Variants in PKLR observed in about 807,000 individuals in gnomAD.
The protein encoded by PKLR is pyruvate kinase L/R.
PKLR carries 38 observed loss-of-function variants against 53.6 expected under a neutral mutation model. The ratio of observed to expected loss-of-function variants is 0.71; its 90% CI spans 0.55 to 0.93. The LOEUF (loss-of-function observed/expected upper bound fraction) is 0.93, where lower values mean the gene tolerates loss of function less well. Ranked by LOEUF, PKLR falls within the 40% of genes least tolerant of loss-of-function variation. The probability of loss-of-function intolerance (pLI) is 0.00; values close to 1 mark genes in which losing one functional copy is unlikely to be tolerated. For synonymous variants in PKLR, 328 were observed against 316.2 expected, an observed-to-expected ratio of 1.04 and a Z score of -0.39; for missense variants, 702 against 787.3, an observed-to-expected ratio of 0.89 and a Z score of 1.30.
At chr1:155,304,203 C>T (rs1299587319), upstream of PKLR, among the ~76,000 whole-genome samples, 1 of 152,126 alleles carries the variant, frequency 6.6e-6, no homozygotes, top group Non-Finnish European at 1.5e-5. Flanking sequence ...GAGGCCAAGG[C>T]AGGCGGATCA....
At chr1:155,301,129 G>T in intron 1 of PKLR, 167 bp downstream of exon 1, 2 of 1,367,122 alleles carry the variant, frequency 1.5e-6, no homozygotes, top group East Asian at 2.5e-5. Flanking sequence ...AAAGACCCAG[G>T]CCAGGGTCCA....
At chr1:155,305,352 C>A (rs1365725971), upstream of PKLR, among the ~76,000 whole-genome samples, 1 of 152,114 alleles carries the variant, frequency 6.6e-6, no homozygotes, top group African/African-American at 2.4e-5. Context: ...AGAGCCCGAG[C>A]TGTAACCACT....
At position 155,295,550 on chromosome 1, in the gene PKLR, C is replaced by A; in HGVS notation, c.394G>T (p.Ala132Ser). 2 of 1,613,946 alleles carry A rather than the reference C, an allele frequency of 1.2e-6. No individual in the cohort carries two copies. The highest frequency in any genetic ancestry group is 8.5e-7 in the Non-Finnish European group (1 of 1,179,940). ...GSHEYHAESIANVREAVESFA... is the reference protein window; with the variant it reads ...GSHEYHAESISNVREAVESFA... ...CTCTCCACCGCCTCCCGGACGTTGGCGATGGACTCAGCATGGTACTGGGGG... is the reference window on the plus strand; with the variant it reads ...CTCTCCACCGCCTCCCGGACGTTGGAGATGGACTCAGCATGGTACTGGGGG... The change falls in exon 4 of 11, where the codon GCC becomes TCC. Residue 132 changes from alanine (A) to serine (S), a missense_variant. Transcript: ENST00000342741. This position sits in a 1 kb window ranked among gnomAD's most constrained non-coding sequence, Gnocchi z 4.3.
At chr1:155,308,572 G>A in the PKLR span, 3 of 985,424 alleles carry the variant, frequency 3.0e-6, no homozygotes, top group Non-Finnish European at 3.6e-6. Context: ...CAGCTGCCCA[G>A]GAAGATAATG....
chr1:155,291,683 G>A, intron 10 of PKLR, 73 bp downstream of exon 10: 1 of 1,342,416 alleles, frequency 7.4e-7, no homozygotes, highest in South Asian at 1.2e-5. Context: ...CCCTTTGAGT[G>A]GGTATGGGAA....
chr1:155,291,032 AATAATAAT>A (rs1674515681), intron 10 of PKLR, among the ~76,000 whole-genome samples: 1 of 144,860 alleles, frequency 6.9e-6, no homozygotes, highest in Non-Finnish European at 1.5e-5. Flanking sequence ...TAATAATAAT[AATAATAAT>A]AAAAGAAGAA....
In PKLR at chr1:155,295,271, C is replaced by T. The variant is rs1362487132; in HGVS notation, c.539G>A (p.Gly180Asp). Residue 180 changes from glycine (G) to aspartate (D), a missense_variant, in exon 5 of 11, where the codon GGC becomes GAC. Around this residue, in one of 2 missense-constraint regions of PKLR, gnomAD observed 519 missense variants for 537.1 expected, o/e 0.97. Coordinates refer to ENST00000342741, the MANE Select transcript of PKLR (RefSeq NM_000298.6). This position sits in a 1 kb window ranked among gnomAD's most constrained non-coding sequence, Gnocchi z 4.3. Reference sequence around the variant, plus strand: ...GTCCACAGTCACCAGCACCTGGGAGCCCTTCACCAGCTCCACTTCCGACTC... The same window carrying T: ...GTCCACAGTCACCAGCACCTGGGAGTCCTTCACCAGCTCCACTTCCGACTC... ...GPESEVELVK[G>D]SQVLVTVDPA... The T allele has an allele frequency of 6.8e-6, 11 of 1,613,992 alleles. No homozygotes were observed. The highest frequency in any genetic ancestry group is 9.3e-6 in the Non-Finnish European group (11 of 1,180,008).
At chr1:155,297,987 T>C (rs1028720806) in intron 2 of PKLR, among the ~76,000 whole-genome samples, 1 of 152,188 alleles carries the variant, frequency 6.6e-6, no homozygotes, top group East Asian at 1.9e-4. Context: ...GTACTCCTGA[T>C]GCCCTTATCA....
At chr1:155,306,599 A>C in the PKLR span, among the ~76,000 whole-genome samples, 12 of 152,152 alleles carry the variant, frequency 7.9e-5, no homozygotes, top group African/African-American at 2.9e-4. The surrounding 1 kb of genome is among the most constrained non-coding windows in gnomAD (Gnocchi z 4.2). Context: ...CCCTGGTCAG[A>C]CACATACACA....
rs779196057 is a variant in PKLR, at chr1:155,295,302, C to T, written c.508G>A (p.Gly170Ser). The change falls in exon 5 of 11, where the codon GGT (glycine) becomes AGT (serine). Residue 170 changes from glycine (G) to serine (S), a missense_variant and splice_region_variant. Physicochemically the swap from Gly to Ser is moderately conservative, Grantham distance 56. Transcript: ENST00000342741. The surrounding 1 kb of genome is among the most constrained non-coding windows in gnomAD (Gnocchi z 4.3). Reference sequence around the variant, plus strand: ...ACCAGCTCCACTTCCGACTCTGGACCCTAAGGAGGGAGCCAGAGGAGATGT... The same window carrying T: ...ACCAGCTCCACTTCCGACTCTGGACTCTAAGGAGGGAGCCAGAGGAGATGT... The part of the protein sequence containing the change: ...PEIRTGILQG[G>S]PESEVELVKG... 16 of 1,613,842 alleles carry T rather than the reference C, an allele frequency of 9.9e-6. No individual in the cohort carries two copies. Among genetic ancestry groups the T allele is most frequent in the Non-Finnish European group, 5.9e-6 (7 of 1,179,956 alleles).
chr1:155,301,063 A>G, intron 1 of PKLR: 13 of 1,531,606 alleles, frequency 8.5e-6, no homozygotes, highest in Non-Finnish European at 1.1e-5. Flanking sequence ...TCCAGGAACC[A>G]CGGGAGTGCC....
chr1:155,297,393 C>G (rs541860973), intron 2 of PKLR, among the ~76,000 whole-genome samples: 1 of 152,202 alleles, frequency 6.6e-6, no homozygotes, highest in East Asian at 1.9e-4. Context: ...ATGGCAAAAA[C>G]CTCAGAGTCA....
intron 9 of PKLR, among the ~76,000 whole-genome samples, chr1:155,292,407 G>A (rs1394256361): frequency 1.3e-5 from 2 of 152,196 alleles, no homozygotes; most frequent in East Asian, 3.8e-4. Context: ...AGGCCAAGGA[G>A]GGTGGATCAC....
At chr1:155,303,390 C>A (rs1248177046), upstream of PKLR, among the ~76,000 whole-genome samples, 1 of 152,220 alleles carries the variant, frequency 6.6e-6, no homozygotes, top group Non-Finnish European at 1.5e-5. Context: ...CCATTCCCCA[C>A]TGTCCAATCT....
chr1:155,299,164 TCTC>T (rs1647835167), intron 2 of PKLR, among the ~76,000 whole-genome samples: 2 of 135,210 alleles, frequency 1.5e-5, no homozygotes, highest in African/African-American at 5.5e-5. Context: ...CTTCTTTCTC[TCTC>T]TCTTTCTTTC....
At chr1:155,308,055 C>CTT in the PKLR span, among the ~76,000 whole-genome samples, 31 of 123,784 alleles carry the variant, frequency 2.5e-4, no homozygotes, top group Admixed American at 4.1e-4. Context: ...TGAGACTCAT[C>CTT]TTTTTTTTTT....
In PKLR at chr1:155,293,293, C is replaced by T. The variant is rs1572053629; in HGVS notation, c.1320G>A (p.Glu440=). The T allele has an allele frequency of 9.9e-6, 16 of 1,614,268 alleles. No individual in the cohort carries two copies. Among genetic ancestry groups the T allele is most frequent in the Non-Finnish European group, 1.4e-5 (16 of 1,180,056 alleles). The change falls in exon 9 of 11, where the codon GAG becomes GAA. Residue 440 remains glutamate, a synonymous_variant. Transcript: ENST00000342741. This position sits in a 1 kb window ranked among gnomAD's most constrained non-coding sequence, Gnocchi z 4.2. ...GGCTTAGTGGCGCTGCCCGACGTAG[C>T]TCCTCAAACAGCTGCCGGTGGTACA... ...AAVYHRQLFE[E]LRRAAPLSRD...
In PKLR at chr1:155,300,079, G is replaced by A; in HGVS notation, c.283+19C>T. ...TACCAATAGGCCCTGTGTGGCTGCA[G>A]GGGGATGGGAGTGCTTACCGATGGT... On this transcript the variant is annotated intron_variant, in intron 2 of 10. Coordinates refer to ENST00000342741, the MANE Select transcript of PKLR (RefSeq NM_000298.6). 1 of 1,611,708 alleles carries A rather than the reference G, an allele frequency of 6.2e-7. No individual in the cohort carries two copies. Among genetic ancestry groups the A allele is most frequent in the South Asian group, 1.1e-5 (1 of 91,062 alleles).
chr1:155,295,381 C>T lies in PKLR; in HGVS notation c.507+56G>A, dbSNP rs1647519394. ...GCCCCTGCCCACGCCTGGGCCCAAC[C>T]CTACAGGCGCCGCCTTTCCGGCCCT... On this transcript the variant is annotated intron_variant, in intron 4 of 10. Coordinates refer to ENST00000342741, the MANE Select transcript of PKLR (RefSeq NM_000298.6). The surrounding 1 kb of genome is among the most constrained non-coding windows in gnomAD (Gnocchi z 4.3). 2 of 1,612,966 alleles carry T rather than the reference C, an allele frequency of 1.2e-6. No individual in the cohort carries two copies. Among genetic ancestry groups the T allele is most frequent in the Non-Finnish European group, 8.5e-7 (1 of 1,179,536 alleles).
Sources: allele counts gnomAD v4.1 joint callset (sites outside exome capture counted in the v4.1 genomes callset), GRCh38; gene constraint gnomAD v4.1.1; regional missense constraint gnomAD v4.1.1; non-coding constraint Gnocchi (gnomAD v3.1); transcripts MANE v1.5; gene names NCBI Gene and HGNC (gene_info 2026-07-23, HGNC 2026-07-21).